TAF6L: variants seen among roughly 807,000 people sequenced by gnomAD.
The protein encoded by TAF6L is TAF6-like RNA polymerase II p300/CBP-associated factor-associated factor 65 kDa subunit 6L.
In TAF6L, 34 loss-of-function variants were observed where a neutral mutation model predicts 57.3. The observed-to-expected ratio is 0.59, with a 90% CI of 0.45 to 0.79. The LOEUF is 0.79. Ranked by LOEUF, TAF6L falls within the 30% of genes least tolerant of loss-of-function variation. The probability of loss-of-function intolerance (pLI) is 0.00; values close to 1 mark genes in which losing one functional copy is unlikely to be tolerated. For missense variants in TAF6L, 782 were observed against 853.2 expected (o/e 0.92, Z 1.04); for synonymous variants, 417 against 376.3 (o/e 1.11, Z -1.25).
chr11:62,781,977 C>T lies in TAF6L; in HGVS notation c.606+9C>T, dbSNP rs773912140. Reference sequence around the variant, plus strand: ...TTTATGTGGTCAGTGGGGTAAGTGACCAGGCTGGGACAGGGAGAATGTTTT... The same window carrying T: ...TTTATGTGGTCAGTGGGGTAAGTGATCAGGCTGGGACAGGGAGAATGTTTT... On this transcript the variant is annotated intron_variant, in intron 7 of 10. Transcript: ENST00000294168. 2 of 1,613,826 alleles carry T rather than the reference C, an allele frequency of 1.2e-6. No homozygotes were observed. Among genetic ancestry groups the T allele is most frequent in the East Asian group, 4.5e-5 (2 of 44,876 alleles).
intron 1 of TAF6L, chr11:62,771,857 G>A: frequency 3.3e-6 from 1 of 305,970 alleles, no homozygotes; most frequent in Non-Finnish European, 6.5e-6. Flanking sequence ...CGCGCTGGTG[G>A]ACTAAATGCT....
At chr11:62,784,691 A>G (rs928682658) in intron 9 of TAF6L, among the ~76,000 whole-genome samples, 12 of 152,188 alleles carry the variant, frequency 7.9e-5, no homozygotes, top group Admixed American at 2.0e-4. Flanking sequence ...AAGGCTTTTC[A>G]GCTTTTGTTT....
chr11:62,775,782 C>A lies in TAF6L; in HGVS notation c.-2C>A. 1.2e-6 allele frequency: 2 copies of A among 1,605,970 alleles called. No individual in the cohort carries two copies. Among genetic ancestry groups the A allele is most frequent in the Middle Eastern group, 3.4e-4 (2 of 5,830 alleles). On this transcript the variant is annotated 5_prime_UTR_variant, in exon 2 of 11. Coordinates refer to ENST00000294168, the MANE Select transcript of TAF6L (RefSeq NM_006473.4). The stretch of plus-strand genomic sequence containing the variant: ...TTCTCCACTCCCAGCTCCACTGGGG[C>A]CATGTCAGAGCGAGAAGAGCGGCGG...
intron 8 of TAF6L, 164 bp downstream of exon 8, chr11:62,782,497 A>G (rs1383463111): frequency 9.5e-7 from 1 of 1,047,694 alleles, no homozygotes; most frequent in African/African-American, 1.6e-5. Context: ...GGGATTCTGA[A>G]AATGGATTAC....
intron 1 of TAF6L, chr11:62,774,737 A>T (rs925482938): frequency 2.0e-5 from 9 of 447,058 alleles, no homozygotes; most frequent in Non-Finnish European, 4.1e-5. Context: ...ATAGGCAGAA[A>T]GCCCAGCTAC....
At position 62,786,851 on chromosome 11, in the gene TAF6L, C is replaced by G; in HGVS notation, c.1424C>G (p.Pro475Arg). 6.3e-7 allele frequency: 1 copy of G among 1,595,760 alleles called. No individual in the cohort carries two copies. Among genetic ancestry groups the G allele is most frequent in the Non-Finnish European group, 8.5e-7 (1 of 1,177,222 alleles). Residue 475 changes from proline to arginine, a missense_variant, in exon 11 of 11, where the codon CCG (proline) becomes CGG (arginine). Pro to Arg is a moderately radical substitution (Grantham distance 103). This residue lies in a region of TAF6L where 483 missense variants were observed against 445.1 expected (regional missense o/e 1.09). Coordinates refer to ENST00000294168, the MANE Select transcript of TAF6L (RefSeq NM_006473.4). ...APRPPGDKKE[P>R]AAAPDSVRKM... The stretch of plus-strand genomic sequence containing the variant: ...CGGCCGCCCGGGGACAAGAAGGAGC[C>G]GGCGGCAGCCCCGGACTCGGTGCGG...
At chr11:62,786,059 CCTTAT>C (rs1252884430) in intron 9 of TAF6L, 196 bp from the exon 10 acceptor site, 9 of 610,544 alleles carry the variant, frequency 1.5e-5, no homozygotes, top group African/African-American at 1.3e-4. Flanking sequence ...TCCCTTTGTA[CCTTAT>C]CTTTATTCCC....
At chr11:62,775,283 G>A (rs1403905817) in intron 1 of TAF6L, among the ~76,000 whole-genome samples, 1 of 152,140 alleles carries the variant, frequency 6.6e-6, no homozygotes, top group Non-Finnish European at 1.5e-5. Flanking sequence ...CAGGAGAACA[G>A]CATGGGGGAA....
Position 62,787,175 on chromosome 11 carries a change from C to T in TAF6L, c.1748C>T (p.Pro583Leu), listed in dbSNP as rs2084290009. Residue 583 changes from proline (P) to leucine (L), a missense_variant, in exon 11 of 11, where the codon CCC becomes CTC. Physicochemically the swap from Pro to Leu is moderately conservative, Grantham distance 98. Coordinates refer to ENST00000294168, the MANE Select transcript of TAF6L (RefSeq NM_006473.4). Reference protein sequence around the residue: ...CRGRLFQTAFPAPYGPSPASR... With the variant: ...CRGRLFQTAFLAPYGPSPASR... ...GGGCGCCTTTTCCAGACTGCCTTCC[C>T]CGCGCCGTACGGGCCTAGCCCGGCC... 3 of 1,585,566 alleles carry T rather than the reference C, an allele frequency of 1.9e-6. No individual in the cohort carries two copies. Among genetic ancestry groups the T allele is most frequent in the Admixed American group, 1.7e-5 (1 of 58,756 alleles).
chr11:62,782,838 G>A lies in TAF6L; in HGVS notation c.960+13G>A. 6.2e-7 allele frequency: 1 copy of A among 1,613,506 alleles called. No homozygotes were observed. The highest frequency in any genetic ancestry group is 8.5e-7 in the Non-Finnish European group (1 of 1,179,618). Reference sequence around the variant, plus strand: ...TCTTGGCTGGAAGGTGAGCACCCTGGCCTTTCTCACACAGCCGTAAGAACT... The same window carrying A: ...TCTTGGCTGGAAGGTGAGCACCCTGACCTTTCTCACACAGCCGTAAGAACT... On this transcript the variant is annotated intron_variant, in intron 9 of 10. Coordinates refer to ENST00000294168, the MANE Select transcript of TAF6L (RefSeq NM_006473.4).
intron 6 of TAF6L, among the ~76,000 whole-genome samples, chr11:62,779,976 A>ATATATATATATTTTTTTTTTT (rs1294367864): frequency 1.9e-5 from 1 of 52,632 alleles, no homozygotes; most frequent in African/African-American, 7.7e-5. Context: ...ATATATATAT[A>ATATATATATATTTTTTTTTTT]TTTTTTTTTT....
At chr11:62,782,361 G>T (rs2134716797) in intron 8 of TAF6L, 28 bp downstream of exon 8, 1 of 1,605,960 alleles carries the variant, frequency 6.2e-7, no homozygotes, top group Non-Finnish European at 8.5e-7. Context: ...ACCTGCGGGT[G>T]GGATTGCTGC....
At position 62,787,304 on chromosome 11, in the gene TAF6L, GC is replaced by G. The variant is rs1243544052; in HGVS notation, c.*12del. 1.3e-6 allele frequency: 2 copies of G among 1,533,550 alleles called. No homozygotes were observed. Among genetic ancestry groups the G allele is most frequent in the Non-Finnish European group, 1.7e-6 (2 of 1,147,630 alleles). 95.0% of individuals were successfully genotyped at this position (1,533,550 alleles called of 1,614,324 possible). ...CTGTACTTGCCGCTCTGAGTCAGTG[GC>G]CCCTTCGTTCCTTGTAAATAAATCC... On this transcript the variant is annotated 3_prime_UTR_variant, in exon 11 of 11. Coordinates refer to ENST00000294168, the MANE Select transcript of TAF6L (RefSeq NM_006473.4).
intron 1 of TAF6L, among the ~76,000 whole-genome samples, chr11:62,774,912 T>G (rs1355499057): frequency 2.5e-5 from 3 of 121,532 alleles, no homozygotes; most frequent in African/African-American, 9.9e-5. Context: ...AAAAAAAAAT[T>G]TAGCCATCCG....
intron 5 of TAF6L, 91 bp downstream of exon 5, chr11:62,778,426 A>C: frequency 5.4e-6 from 8 of 1,470,344 alleles, no homozygotes; most frequent in Non-Finnish European, 7.6e-6. Context: ...GTCTGCGTCT[A>C]ACATGTGTTT....
chr11:62,786,495 T>G (rs1565190808), intron 10 of TAF6L, 22 bp from the exon 11 acceptor site: 2 of 1,571,138 alleles, frequency 1.3e-6, no homozygotes, highest in East Asian at 2.3e-5. Context: ...TTTTTGCCTA[T>G]CTTAGTCCTT....
intron 3 of TAF6L, among the ~76,000 whole-genome samples, chr11:62,777,071 T>C (rs2084193428): frequency 6.6e-6 from 1 of 151,364 alleles, no homozygotes; most frequent in Non-Finnish European, 1.5e-5. Flanking sequence ...CGCGTGAACC[T>C]GGGAGGCAGA....
At chr11:62,774,744 C>A in intron 1 of TAF6L, 1 of 442,254 alleles carries the variant, frequency 2.3e-6, no homozygotes, top group Non-Finnish European at 4.6e-6. Context: ...GAAAGCCCAG[C>A]TACTATCCAG....
intron 9 of TAF6L, among the ~76,000 whole-genome samples, chr11:62,784,082 G>A (rs1212020297): frequency 5.0e-5 from 7 of 140,054 alleles, no homozygotes; most frequent in African/African-American, 1.1e-4. Flanking sequence ...TCCACCTCCC[G>A]GGTTCAAGTG....
Sources: allele counts gnomAD v4.1 joint callset (sites outside exome capture counted in the v4.1 genomes callset), GRCh38; gene constraint gnomAD v4.1.1; regional missense constraint gnomAD v4.1.1; transcripts MANE v1.5; gene names NCBI Gene and HGNC (gene_info 2026-07-23, HGNC 2026-07-21).